The following DISP3 variants were observed in gnomAD, a reference collection of about 807,000 sequenced individuals.
DISP3 encodes protein dispatched homolog 3.
A neutral mutation model predicts 135.3 loss-of-function variants in DISP3; 101 were observed. The observed-to-expected ratio is 0.75, with a 90% confidence interval of 0.64 to 0.88. DISP3 has a LOEUF of 0.88. Ranked by LOEUF, DISP3 falls within the 40% of genes least tolerant of loss-of-function variation. The pLI is 0.00. For synonymous variants in DISP3, 856 were observed against 817.0 expected, an observed-to-expected ratio of 1.05 and a Z score of -0.81; for missense variants, 1,713 against 1,878.6, an observed-to-expected ratio of 0.91 and a Z score of 1.63.
chr1:11,497,598 C>T (rs1166480996), intron 1 of DISP3, among the ~76,000 whole-genome samples: 1 of 152,190 alleles, frequency 6.6e-6, no homozygotes, highest in African/African-American at 2.4e-5. Context: ...CTGTGTCAGC[C>T]AGGACGGTCT....
At chr1:11,485,093 C>T (rs1640999589) in intron 1 of DISP3, among the ~76,000 whole-genome samples, 1 of 152,140 alleles carries the variant, frequency 6.6e-6, no homozygotes, top group Non-Finnish European at 1.5e-5. Flanking sequence ...TAGAGCTCAT[C>T]AGAGTCCCCA....
Position 11,531,566 on chromosome 1 carries a change from C to T in DISP3, c.3231C>T (p.Gly1077=), listed in dbSNP as rs374708452. 1.9e-6 allele frequency: 3 copies of T among 1,613,452 alleles called. No homozygotes were observed. In the South Asian group the frequency reaches 3.3e-5, roughly 18 times the overall value. The part of the protein sequence containing the change: ...KPGGAQCLPS[G]YSISSFLQML... ...TCCCTTTCTTGCCTCTCCCCGCAGG[C>T]TACAGCATCTCCTCCTTCCTGCAGA... Residue 1077 remains glycine (G), a splice_region_variant and synonymous_variant, in exon 17 of 21, where the codon GGC becomes GGT. Transcript: ENST00000294484. The surrounding 1 kb of genome is among the most constrained non-coding windows in gnomAD (Gnocchi z 5.2).
intron 4 of DISP3, 38 bp downstream of exon 4, chr1:11,514,564 C>T: frequency 6.2e-7 from 1 of 1,601,890 alleles, no homozygotes; most frequent in Non-Finnish European, 8.5e-7. Context: ...CCTCCCCTCC[C>T]AGGGTGCTCC....
At position 11,533,654 on chromosome 1, in the gene DISP3, GGAGGA is replaced by G. The variant is rs367854576; in HGVS notation, c.3376-723_3376-719del. 157 of 649,516 alleles carry G rather than the reference GGAGGA, an allele frequency of 2.4e-4. No individual in the cohort carries two copies. In the African/African-American group the frequency reaches 2.5e-3, roughly 10 times the overall value. 40.2% of individuals were successfully genotyped at this position (649,516 alleles called of 1,614,324 possible). ...AGACTGAAGCCCCAGGCAGTTCCAG[GGAGGA>G]GAGAAGTCCCCACTCAGGCTCACCA... On this transcript the variant is annotated intron_variant, in intron 17 of 20. Transcript: ENST00000294484.
In DISP3 at chr1:11,535,091, C is replaced by T; in HGVS notation, c.3616C>T (p.Leu1206=). Residue 1206 remains leucine, a synonymous_variant, in exon 19 of 21, where the codon CTG becomes TTG. Coordinates refer to ENST00000294484, the MANE Select transcript of DISP3 (RefSeq NM_020780.2). ...GGTGGCCGTGTTCACCACCCACATC[C>T]TGCTCCTGCTGCCCGTGCTCCTCAG... The part of the protein sequence containing the change: ...AAVAVFTTHI[L]LLLPVLLSIL... 2 of 1,609,052 alleles carry T rather than the reference C, an allele frequency of 1.2e-6. No homozygotes were observed. Among genetic ancestry groups the T allele is most frequent in the Non-Finnish European group, 1.7e-6 (2 of 1,178,528 alleles).
rs1371975952 is a variant in DISP3 at position 11,523,983 on chromosome 1, CG to C, written c.2406del (p.Thr803ArgfsTer34). 2 of 1,613,196 alleles carry C rather than the reference CG, an allele frequency of 1.2e-6. No homozygotes were observed. The highest frequency in any genetic ancestry group is 1.7e-6 in the Non-Finnish European group (2 of 1,179,706). ...EKPHSLQNNI[R>X]TSLEKKRRGS... ...GCCCCACAGCCTGCAGAACAACATC[CG>C]GACGTCCCTGGAGAAGAAGAGGCGA... On this transcript the variant is annotated frameshift_variant, in exon 11 of 21. Coordinates refer to ENST00000294484, the MANE Select transcript of DISP3 (RefSeq NM_020780.2). LOFTEE classifies it high-confidence loss of function.
rs1262568958 is a variant in DISP3 at position 11,501,683 on chromosome 1, C to T, written c.691C>T (p.Arg231Trp). 6.2e-7 allele frequency: 1 copy of T among 1,604,704 alleles called. No individual in the cohort carries two copies. Among genetic ancestry groups the T allele is most frequent in the East Asian group, 2.2e-5 (1 of 44,552 alleles). The change falls in exon 2 of 21, where the codon CGG becomes TGG. Residue 231 changes from arginine to tryptophan, a missense_variant. Coordinates refer to ENST00000294484, the MANE Select transcript of DISP3 (RefSeq NM_020780.2). This position sits in a 1 kb window ranked among gnomAD's most constrained non-coding sequence, Gnocchi z 4.9. The stretch of plus-strand genomic sequence containing the variant: ...AAACCAGCGGCTGAGCAAGAATGGG[C>T]GGTACCAGCCCAGCATCCCGCCCCA... ...PRNQRLSKNG[R>W]YQPSIPPHAA...
chr1:11,532,155 G>A (rs146087592), intron 17 of DISP3, among the ~76,000 whole-genome samples: 6,346 of 152,264 alleles, frequency 0.042, 227 homozygotes, highest in Middle Eastern at 0.1. Context: ...CTGGACGCTC[G>A]CTGGGCTCTG....
intron 10 of DISP3, among the ~76,000 whole-genome samples, chr1:11,523,162 A>C (rs1414638014): frequency 1.3e-5 from 2 of 152,200 alleles, no homozygotes; most frequent in Non-Finnish European, 2.9e-5. Flanking sequence ...CCACTCCATC[A>C]AGTGGGGTTC....
Position 11,520,567 on chromosome 1 carries a change from G to T in DISP3, c.2201-120G>T, listed in dbSNP as rs1016378330. 4.4e-6 allele frequency: 5 copies of T among 1,141,952 alleles called. No homozygotes were observed. Among genetic ancestry groups the T allele is most frequent in the Non-Finnish European group, 6.2e-6 (5 of 812,886 alleles). 70.7% of individuals were successfully genotyped at this position (1,141,952 alleles called of 1,614,324 possible). A position where few individuals can be genotyped will look rare whatever the true frequency, so the allele number is the denominator to read the frequency against. ...GGGCTGGCATGCAGGGCCTTCCCCC[G>T]CACCCTTAGGACACCCGCCCCCCAA... On this transcript the variant is annotated intron_variant, in intron 9 of 20. Coordinates refer to ENST00000294484, the MANE Select transcript of DISP3 (RefSeq NM_020780.2). The surrounding 1 kb of genome is among the most constrained non-coding windows in gnomAD (Gnocchi z 4.8).
intron 10 of DISP3, among the ~76,000 whole-genome samples, chr1:11,522,892 GA>G (rs1642279029): frequency 2.4e-4 from 11 of 45,400 alleles, no homozygotes; most frequent in South Asian, 2.3e-3. Flanking sequence ...GCCCAGCCAG[GA>G]CCCAGCCAGA....
At chr1:11,510,854 A>G (rs773725186) in intron 3 of DISP3, among the ~76,000 whole-genome samples, 1 of 151,556 alleles carries the variant, frequency 6.6e-6, no homozygotes, top group African/African-American at 2.4e-5. Flanking sequence ...ACTCGGAGAG[A>G]AAAAAAAAGA....
In DISP3 at chr1:11,519,313, C is replaced by A; in HGVS notation, c.1890-42C>A. Reference sequence around the variant, plus strand: ...CCCTGCCCCACCCTCCCTGGGTACCCAGGACCCTCTGGTTCACCCCTGTCC... The same window carrying A: ...CCCTGCCCCACCCTCCCTGGGTACCAAGGACCCTCTGGTTCACCCCTGTCC... On this transcript the variant is annotated intron_variant, in intron 7 of 20. Coordinates refer to ENST00000294484, the MANE Select transcript of DISP3 (RefSeq NM_020780.2). The surrounding 1 kb of genome is among the most constrained non-coding windows in gnomAD (Gnocchi z 4.3). 1 of 1,601,642 alleles carries A rather than the reference C, an allele frequency of 6.2e-7. No homozygotes were observed. The highest frequency in any genetic ancestry group is 1.1e-5 in the South Asian group (1 of 90,164).
chr1:11,497,813 AG>A (rs2100393984), intron 1 of DISP3, among the ~76,000 whole-genome samples: 1 of 152,328 alleles, frequency 6.6e-6, no homozygotes, highest in Non-Finnish European at 1.5e-5. Context: ...AATCTCATCC[AG>A]GTTGCTGTGA....
chr1:11,489,400 G>T (rs1316119826), intron 1 of DISP3, among the ~76,000 whole-genome samples: 1 of 152,242 alleles, frequency 6.6e-6, no homozygotes, highest in Non-Finnish European at 1.5e-5. Flanking sequence ...GAACTGGCAG[G>T]TGACCACCTG....
intron 1 of DISP3, 62 bp from the exon 2 acceptor site, chr1:11,500,928 C>T: frequency 3.8e-6 from 6 of 1,571,598 alleles, no homozygotes; most frequent in East Asian, 4.5e-5. Context: ...GGGCGAACTG[C>T]ACCACAGGGC....
In DISP3 at chr1:11,502,909, A is replaced by C; in HGVS notation, c.1316+12A>C. The C allele has an allele frequency of 6.2e-7, 1 of 1,602,316 alleles. No homozygotes were observed. Among genetic ancestry groups the C allele is most frequent in the Non-Finnish European group, 8.5e-7 (1 of 1,171,736 alleles). On this transcript the variant is annotated intron_variant, in intron 3 of 20. Coordinates refer to ENST00000294484, the MANE Select transcript of DISP3 (RefSeq NM_020780.2). Reference sequence around the variant, plus strand: ...AAGCAGTCTACCAGGTAGGAAGTCCAGCTGCATCCTGTGTGTGCATGCCCA... The same window carrying C: ...AAGCAGTCTACCAGGTAGGAAGTCCCGCTGCATCCTGTGTGTGCATGCCCA...
At position 11,531,365 on chromosome 1, in the gene DISP3, C is replaced by G. The variant is rs914963086; in HGVS notation, c.3230-200C>G. ...ACAGCCAATGTGGATGAGGTCACCA[C>G]CGGGGTGTCCCTGGGAGGGGCCCAC... On this transcript the variant is annotated intron_variant, in intron 16 of 20. Transcript: ENST00000294484. The surrounding 1 kb of genome is among the most constrained non-coding windows in gnomAD (Gnocchi z 5.2). Among the ~76,000 whole-genome samples the G allele has an allele frequency of 1.3e-5, 2 of 152,138 alleles. No homozygotes were observed. The highest frequency in any genetic ancestry group is 4.8e-5 in the African/African-American group (2 of 41,432).
chr1:11,482,647 ATT>A (rs1193407780), intron 1 of DISP3, among the ~76,000 whole-genome samples: 5 of 152,164 alleles, frequency 3.3e-5, no homozygotes, highest in Non-Finnish European at 1.5e-5. Flanking sequence ...GAGCTCAGTG[ATT>A]AGCCTTTTTG....
Sources: allele counts gnomAD v4.1 joint callset (sites outside exome capture counted in the v4.1 genomes callset), GRCh38; gene constraint gnomAD v4.1.1; non-coding constraint Gnocchi (gnomAD v3.1); transcripts MANE v1.5; gene names NCBI Gene and HGNC (gene_info 2026-07-23, HGNC 2026-07-21).